UGT3A1: variants seen among roughly 807,000 people sequenced by gnomAD.
UGT3A1 encodes the protein UDP glycosyltransferase family 3 member A1, also known as UDP-glycosyltransferase 3A1.
Under a neutral mutation model 37.6 loss-of-function variants are expected in UGT3A1, and 40 were observed. The observed-to-expected ratio is 1.06, with a 90% CI of 0.83 to 1.38. The LOEUF (loss-of-function observed/expected upper bound fraction) is 1.38. UGT3A1 is among the 40% of genes most tolerant of loss of function. The pLI, the probability that UGT3A1 is intolerant of heterozygous loss-of-function variation, is 0.00. For missense variants in UGT3A1, 642 were observed against 634.2 expected, an observed-to-expected ratio of 1.01 and a Z score of -0.13; for synonymous variants, 256 against 232.3, an observed-to-expected ratio of 1.10 and a Z score of -0.93.
chr5:35,956,449 T>C lies in UGT3A1; in HGVS notation c.1076-585A>G, dbSNP rs1487404278. Among the ~76,000 whole-genome samples the C allele has an allele frequency of 2.0e-5, 3 of 152,246 alleles. 1 individual carries two copies. Among genetic ancestry groups the C allele is most frequent in the Non-Finnish European group, 2.9e-5 (2 of 68,052 alleles). ...ATATTTTTCCTTGTCCCATGTCTTA[T>C]AAATTAAATATACAGAAACCTGTAT... On this transcript the variant is annotated intron_variant, in intron 5 of 6. Transcript: ENST00000274278.
chr5:35,982,640 G>T (rs1740573132), intron 2 of UGT3A1, among the ~76,000 whole-genome samples: 2 of 152,230 alleles, frequency 1.3e-5, no homozygotes, highest in Admixed American at 1.3e-4. Context: ...TCTTGCTTCA[G>T]ATGAGACTTT....
intron 1 of UGT3A1, 40 bp downstream of exon 1, chr5:35,991,107 G>T: frequency 6.2e-7 from 1 of 1,614,080 alleles, no homozygotes; most frequent in South Asian, 1.1e-5. Context: ...GCGGGGATCC[G>T]GGACGCGCCT....
At chr5:35,973,870 A>T (rs1740150644) in intron 2 of UGT3A1, among the ~76,000 whole-genome samples, 2 of 152,228 alleles carry the variant, frequency 1.3e-5, no homozygotes, top group Admixed American at 1.3e-4. Flanking sequence ...GAGTCAAAGC[A>T]ATAATTAGAA....
chr5:35,988,683 T>C, intron 1 of UGT3A1, 132 bp from the exon 2 acceptor site: 1 of 666,158 alleles, frequency 1.5e-6, no homozygotes. Flanking sequence ...AGTGAGAAGA[T>C]GGAGATAAGC....
chr5:35,959,429 T>A (rs926527122), intron 4 of UGT3A1, among the ~76,000 whole-genome samples: 2 of 152,078 alleles, frequency 1.3e-5, no homozygotes, highest in African/African-American at 4.8e-5. Flanking sequence ...AAGGAGCTCA[T>A]GGAAAACATG....
intron 3 of UGT3A1, among the ~76,000 whole-genome samples, chr5:35,967,194 A>G (rs1234485085): frequency 6.6e-6 from 1 of 152,220 alleles, no homozygotes; most frequent in African/African-American, 2.4e-5. Flanking sequence ...ACAAGATGCC[A>G]TAGACTAAGT....
chr5:35,985,821 CA>C (rs1460167304), intron 2 of UGT3A1, among the ~76,000 whole-genome samples: 1 of 152,026 alleles, frequency 6.6e-6, no homozygotes, highest in Non-Finnish European at 1.5e-5. Flanking sequence ...AGTTAGACAT[CA>C]AAAGTACAGG....
chr5:35,973,770 G>C (rs2149972713), intron 2 of UGT3A1, among the ~76,000 whole-genome samples: 1 of 152,218 alleles, frequency 6.6e-6, no homozygotes, highest in Non-Finnish European at 1.5e-5. Context: ...TAAATATAAT[G>C]GATTTAATTG....
chr5:35,968,476 T>TACA (rs1739904517), intron 2 of UGT3A1, among the ~76,000 whole-genome samples: 1 of 152,220 alleles, frequency 6.6e-6, no homozygotes, highest in East Asian at 1.9e-4. Flanking sequence ...CATAATGAGC[T>TACA]GTAGGGCTTG....
At chr5:35,969,002 A>G (rs1561462091) in intron 2 of UGT3A1, among the ~76,000 whole-genome samples, 1 of 152,212 alleles carries the variant, frequency 6.6e-6, no homozygotes, top group Non-Finnish European at 1.5e-5. Context: ...GTGTTTCTCA[A>G]CTACAGCATG....
Position 35,968,285 on chromosome 5 carries a change from T to G in UGT3A1, c.197-152A>C, listed in dbSNP as rs2149964956. 5.2e-6 allele frequency: 3 copies of G among 575,602 alleles called. No individual in the cohort carries two copies. In the South Asian group the frequency reaches 7.5e-5, roughly 14 times the overall value. The allele number at this position is 575,602 out of a possible 1,614,324, so 35.7% of individuals were successfully genotyped here. ...ATTTGGTTTTGTTTTTCTTTTTCAT[T>G]CATTCAAATGCACAACCTGATAATA... On this transcript the variant is annotated intron_variant, in intron 2 of 6. Coordinates refer to ENST00000274278, the MANE Select transcript of UGT3A1 (RefSeq NM_152404.4).
chr5:35,978,223 T>A (rs1463111663), intron 2 of UGT3A1, among the ~76,000 whole-genome samples: 1 of 151,928 alleles, frequency 6.6e-6, no homozygotes, highest in African/African-American at 2.4e-5. Context: ...TTAGTACAGA[T>A]GGGGTTTCAC....
intron 2 of UGT3A1, among the ~76,000 whole-genome samples, chr5:35,982,470 C>T (rs1000284640): frequency 6.6e-6 from 1 of 152,232 alleles, no homozygotes; most frequent in Non-Finnish European, 1.5e-5. Context: ...AATGGCTTCC[C>T]TGCTGGGTTT....
chr5:35,959,539 C>G (rs1016805429), intron 4 of UGT3A1, among the ~76,000 whole-genome samples: 1 of 151,246 alleles, frequency 6.6e-6, no homozygotes, highest in Non-Finnish European at 1.5e-5. Context: ...TTTTGGAGCT[C>G]AAATATGAAA....
chr5:35,977,833 A>G (rs1048127459), intron 2 of UGT3A1, among the ~76,000 whole-genome samples: 8 of 152,236 alleles, frequency 5.3e-5, no homozygotes, highest in African/African-American at 1.4e-4. Context: ...CGTAAAATTT[A>G]AAAGATACAA....
In UGT3A1 at chr5:35,987,308, G is replaced by A. The variant is rs562919908; in HGVS notation, c.196+1142C>T. On this transcript the variant is annotated intron_variant, in intron 2 of 6. Transcript: ENST00000274278. ...GAAGGAAGAATATTTCATCTCAACC[G>A]CAGAAATGTCCAAAGATTGAGGAAT... is the stretch of plus-strand genomic sequence containing the variant. Among the ~76,000 whole-genome samples, 12 of 152,138 alleles carry A rather than the reference G, an allele frequency of 7.9e-5. No homozygotes were observed. The South Asian group carries it at 8.3e-4, about 11-fold the overall frequency.
intron 4 of UGT3A1, chr5:35,962,662 C>T: frequency 3.7e-6 from 2 of 542,632 alleles, no homozygotes; most frequent in East Asian, 6.2e-5. Flanking sequence ...GGCCTCAGGC[C>T]ATTCGTCCTC....
chr5:35,962,797 A>G (rs921496465), intron 4 of UGT3A1: 4 of 675,234 alleles, frequency 5.9e-6, no homozygotes, highest in Non-Finnish European at 1.1e-5. Context: ...TTTTTCCTCC[A>G]GATTCTGAGG....
At chr5:35,977,003 A>G (rs1740305218) in intron 2 of UGT3A1, among the ~76,000 whole-genome samples, 1 of 148,314 alleles carries the variant, frequency 6.7e-6, no homozygotes, top group Non-Finnish European at 1.5e-5. Context: ...AAGAAAGAAA[A>G]GAAAGAAAGA....
Sources: allele counts gnomAD v4.1 joint callset (sites outside exome capture counted in the v4.1 genomes callset), GRCh38; gene constraint gnomAD v4.1.1; transcripts MANE v1.5; gene names NCBI Gene and HGNC (gene_info 2026-07-23, HGNC 2026-07-21).